Variants in CEP128 observed in about 807,000 individuals in gnomAD.
The protein encoded by CEP128 is centrosomal protein 128kDa.
CEP128 carries 132 observed loss-of-function variants against 156.7 expected under a neutral mutation model. The observed-to-expected ratio is 0.84, with a 90% CI of 0.73 to 0.97. The LOEUF is 0.97. Ranked by LOEUF, CEP128 falls within the 50% of genes least tolerant of loss-of-function variation. The probability of loss-of-function intolerance (pLI) is 0.00; values close to 1 mark genes in which losing one functional copy is unlikely to be tolerated. For missense variants in CEP128, 1,252 were observed against 1,281.9 expected (o/e 0.98, Z 0.36); for synonymous variants, 469 against 448.9 (o/e 1.04, Z -0.57).
intron 20 of CEP128, among the ~76,000 whole-genome samples, chr14:80,576,981 G>A (rs1261905466): frequency 4.6e-5 from 7 of 152,106 alleles, no homozygotes; most frequent in Admixed American, 6.6e-5. Flanking sequence ...GTAAATTTTT[G>A]TTTTGAAACC....
At chr14:80,805,006 G>A (rs1884092001) in intron 13 of CEP128, among the ~76,000 whole-genome samples, 1 of 151,978 alleles carries the variant, frequency 6.6e-6, no homozygotes, top group Non-Finnish European at 1.5e-5. Context: ...CTGATTACTG[G>A]CACTGTCATG....
At chr14:80,875,102 GA>G (rs1888219653) in intron 8 of CEP128, among the ~76,000 whole-genome samples, 1 of 152,148 alleles carries the variant, frequency 6.6e-6, no homozygotes, top group African/African-American at 2.4e-5. Context: ...GTTTTTAGCA[GA>G]TTCTTAAAGT....
At chr14:80,617,289 G>A (rs1893260869) in intron 19 of CEP128, among the ~76,000 whole-genome samples, 2 of 127,080 alleles carry the variant, frequency 1.6e-5, no homozygotes, top group South Asian at 5.3e-4. Flanking sequence ...GGAGTGCAGT[G>A]GTGCGATCTT....
At chr14:80,809,767 A>AT (rs1784294767) in intron 13 of CEP128, among the ~76,000 whole-genome samples, 1 of 152,104 alleles carries the variant, frequency 6.6e-6, no homozygotes, top group African/African-American at 2.4e-5. Flanking sequence ...TTTTTCATAT[A>AT]TAAAAAAAAA....
At chr14:80,844,601 C>G (rs1886507159) in intron 9 of CEP128, among the ~76,000 whole-genome samples, 1 of 152,026 alleles carries the variant, frequency 6.6e-6, no homozygotes, top group Non-Finnish European at 1.5e-5. Context: ...AGGTAATATC[C>G]AATATCACGT....
At chr14:80,837,399 G>A (rs1886132784) in intron 11 of CEP128, among the ~76,000 whole-genome samples, 1 of 152,188 alleles carries the variant, frequency 6.6e-6, no homozygotes, top group African/African-American at 2.4e-5. Context: ...ATGGGCTGAT[G>A]GAATGCAAAA....
intron 14 of CEP128, among the ~76,000 whole-genome samples, chr14:80,484,690 T>C (rs970058744): frequency 1.3e-5 from 2 of 152,218 alleles, no homozygotes; most frequent in African/African-American, 4.8e-5. Flanking sequence ...CTCACATCCA[T>C]GCTTTCAACA....
chr14:80,698,866 T>C (rs1896975473), intron 19 of CEP128, among the ~76,000 whole-genome samples: 1 of 152,220 alleles, frequency 6.6e-6, no homozygotes, highest in Non-Finnish European at 1.5e-5. Context: ...TAAAATTTTA[T>C]TCAAACAATA....
intron 14 of CEP128, among the ~76,000 whole-genome samples, chr14:80,788,714 T>C (rs557155639): frequency 1.3e-5 from 2 of 152,230 alleles, no homozygotes; most frequent in South Asian, 2.1e-4. Context: ...AATATGATCC[T>C]CTCTTGCCCC....
chr14:80,685,127 C>T lies in CEP128; in HGVS notation c.2806+57948G>A, dbSNP rs531699575. ...GTCAGGCAAGAGAAGGAAAGAAAAA[C>T]CAACCAATTACCAAAAGAGAAAGTC... On this transcript the variant is annotated intron_variant, in intron 19 of 24. Transcript: ENST00000555265. 1.4e-4 allele frequency among the ~76,000 whole-genome samples: 21 copies of T among 151,978 alleles called. No individual in the cohort carries two copies. In the South Asian group the frequency reaches 3.3e-3, roughly 24 times the overall value.
intron 19 of CEP128, among the ~76,000 whole-genome samples, chr14:80,636,669 T>A (rs1894192478): frequency 6.6e-6 from 1 of 152,204 alleles, no homozygotes; most frequent in Non-Finnish European, 1.5e-5. Context: ...TTCTCACCAT[T>A]TCCATTACTA....
intron 23 of CEP128, 21 bp from the exon 24 acceptor site, chr14:80,505,041 C>A (rs1335232453): frequency 4.6e-6 from 6 of 1,301,514 alleles, no homozygotes; most frequent in Non-Finnish European, 6.5e-6. Context: ...AAAGGCACAG[C>A]ATTTCAATGA....
intron 15 of CEP128, among the ~76,000 whole-genome samples, chr14:80,784,404 A>T (rs1901287105): frequency 1.3e-5 from 2 of 152,180 alleles, no homozygotes; most frequent in Admixed American, 6.5e-5. Flanking sequence ...CATTTCCTCA[A>T]ATGCAAGATC....
At chr14:80,681,097 C>T (rs1896305950) in intron 19 of CEP128, among the ~76,000 whole-genome samples, 1 of 152,104 alleles carries the variant, frequency 6.6e-6, no homozygotes, top group Admixed American at 6.6e-5. Context: ...AACTGCACAG[C>T]CCAATATAAA....
At chr14:80,700,196 A>G (rs921729741) in intron 19 of CEP128, among the ~76,000 whole-genome samples, 1 of 152,176 alleles carries the variant, frequency 6.6e-6, no homozygotes, top group Non-Finnish European at 1.5e-5. Flanking sequence ...TTCTGAGTTT[A>G]GTCTTTGGGA....
chr14:80,741,376 T>C (rs1898823339), intron 19 of CEP128, among the ~76,000 whole-genome samples: 1 of 152,170 alleles, frequency 6.6e-6, no homozygotes, highest in African/African-American at 2.4e-5. Context: ...TTGTCTTTGT[T>C]ACCCCTTATA....
intron 19 of CEP128, among the ~76,000 whole-genome samples, chr14:80,643,856 A>C (rs1227729892): frequency 1.3e-5 from 2 of 152,208 alleles, no homozygotes; most frequent in Non-Finnish European, 2.9e-5. Flanking sequence ...AAGTAAAAAC[A>C]GTGACTAGTG....
chr14:80,686,079 A>C (rs1040532340), intron 19 of CEP128, among the ~76,000 whole-genome samples: 1 of 152,100 alleles, frequency 6.6e-6, no homozygotes, highest in Non-Finnish European at 1.5e-5. Context: ...CCTCAAAAGA[A>C]ATTGCAACAA....
At chr14:80,793,375 C>G (rs75809329) in intron 13 of CEP128, among the ~76,000 whole-genome samples, 108 of 152,240 alleles carry the variant, frequency 7.1e-4, no homozygotes, top group Non-Finnish European at 1.4e-3. Context: ...TTGACTGTCA[C>G]TAAAATAGAA....
Sources: gnomAD v4.1 joint callset for allele counts (sites outside exome capture counted in the v4.1 genomes callset) on GRCh38, gnomAD v4.1.1 for gene constraint, MANE v1.5 for transcripts, NCBI Gene and HGNC (gene_info 2026-07-23, HGNC 2026-07-21) for gene names.